The following RNF24 variants were observed in gnomAD, a reference collection of about 807,000 sequenced individuals.
The protein encoded by RNF24 is ring finger protein 24.
Under a neutral mutation model 20.0 loss-of-function variants are expected in RNF24, and 14 were observed. The ratio of observed to expected loss-of-function variants is 0.70; its 90% CI spans 0.46 to 1.10. The LOEUF is 1.10. Among genes scored for constraint, RNF24 ranks in the 50% least tolerant of loss-of-function variants. The pLI is 0.00. For synonymous variants in RNF24, 45 were observed against 61.1 expected, an observed-to-expected ratio of 0.74 and a Z score of 1.23; for missense variants, 124 against 177.6, an observed-to-expected ratio of 0.70 and a Z score of 1.71.
rs1402041953 is a variant in RNF24 at position 3,947,007 on chromosome 20, A to G, written c.186+1230T>C. Among the ~76,000 whole-genome samples, 5 of 152,302 alleles carry G rather than the reference A, an allele frequency of 3.3e-5. No individual in the cohort carries two copies. In the East Asian group the frequency reaches 9.6e-4, roughly 29 times the overall value. On this transcript the variant is annotated intron_variant, in intron 3 of 5. Transcript: ENST00000358395. ...AGAGATCAAGACCATCCTGGCCAAC[A>G]TGGTGAAATCCTGTCTCTACTAAAA...
At chr20:3,972,764 G>A (rs1485648789) in intron 1 of RNF24, among the ~76,000 whole-genome samples, 3 of 152,030 alleles carry the variant, frequency 2.0e-5, no homozygotes, top group East Asian at 1.9e-4. Flanking sequence ...TTAGTCGGGC[G>A]TGGTGGCACG....
chr20:3,950,650 T>C (rs912415641), intron 2 of RNF24, among the ~76,000 whole-genome samples: 45 of 152,248 alleles, frequency 3.0e-4, no homozygotes, highest in Non-Finnish European at 5.9e-4. Context: ...AACTTTTATT[T>C]TGAAATAATT....
At chr20:3,978,131 G>T (rs567056516) in intron 1 of RNF24, among the ~76,000 whole-genome samples, 25 of 150,550 alleles carry the variant, frequency 1.7e-4, no homozygotes, top group African/African-American at 6.1e-4. Flanking sequence ...GTGCAGTGGC[G>T]TGATCTCGGC....
intron 1 of RNF24, among the ~76,000 whole-genome samples, chr20:3,974,037 CAA>C (rs1978631296): frequency 6.7e-6 from 1 of 150,008 alleles, no homozygotes; most frequent in African/African-American, 2.5e-5. Context: ...AAGGTTTATT[CAA>C]GAGATGCGGG....
intron 2 of RNF24, among the ~76,000 whole-genome samples, chr20:3,957,628 C>T (rs2091157822): frequency 6.6e-6 from 1 of 152,002 alleles, no homozygotes; most frequent in South Asian, 2.1e-4. Flanking sequence ...CAGCATGGAT[C>T]AATTTGTGCT....
rs113896324 is a variant in RNF24 at position 3,961,088 on chromosome 20, C to T, written c.143+2787G>A. Among the ~76,000 whole-genome samples, 1,476 of 152,156 alleles carry T rather than the reference C, an allele frequency of 9.7e-3. 26 individuals carry two copies. Among genetic ancestry groups the T allele is most frequent in the African/African-American group, 0.034 (1,393 of 41,512 alleles). On this transcript the variant is annotated intron_variant, in intron 2 of 5. Coordinates refer to ENST00000358395, the MANE Select transcript of RNF24 (RefSeq NM_001134337.3). ...GATTACAGGTATGAGCCACTGCACCCGGCCTGTTAGGCTGATTATAAAAAA... is the reference window on the plus strand; with the variant it reads ...GATTACAGGTATGAGCCACTGCACCTGGCCTGTTAGGCTGATTATAAAAAA...
intron 1 of RNF24, among the ~76,000 whole-genome samples, chr20:3,983,118 C>A (rs1271586678): frequency 6.6e-6 from 1 of 152,172 alleles, no homozygotes; most frequent in Non-Finnish European, 1.5e-5. Context: ...TCTTGAACTT[C>A]TTGGCTTCTA....
chr20:3,997,229 C>CAAAAAAAAAAAAAAAAAAAAAA (rs1227396478), intron 1 of RNF24, among the ~76,000 whole-genome samples: 1 of 51,234 alleles, frequency 2.0e-5, no homozygotes, highest in Non-Finnish European at 3.7e-5. Flanking sequence ...GACTCCATCT[C>CAAAAAAAAAAAAAAAAAAAAAA]AAAAAAAAAA....
At position 3,933,920 on chromosome 20, in the gene RNF24, T is replaced by A. The variant is rs2090857725; in HGVS notation, c.*143A>T. ...AGACCCAGACACCTAGGTTCCCAGT[T>A]TGGCTGGCCCAAGAGTTCTTCATGA... On this transcript the variant is annotated 3_prime_UTR_variant, in exon 6 of 6. Transcript: ENST00000358395. 1.3e-6 allele frequency: 1 copy of A among 764,588 alleles called. No homozygotes were observed. Among genetic ancestry groups the A allele is most frequent in the Admixed American group, 3.3e-5 (1 of 30,044 alleles). 47.4% of individuals were successfully genotyped at this position (764,588 alleles called of 1,614,324 possible).
chr20:3,987,301 A>T (rs1231388661), intron 1 of RNF24, among the ~76,000 whole-genome samples: 1 of 152,232 alleles, frequency 6.6e-6, no homozygotes, highest in South Asian at 2.1e-4. Flanking sequence ...GTGTGAAAAG[A>T]AATACGAAGC....
chr20:3,942,082 A>C (rs1568617008), intron 4 of RNF24, among the ~76,000 whole-genome samples: 1 of 149,706 alleles, frequency 6.7e-6, no homozygotes, highest in East Asian at 1.9e-4. Context: ...TCAAAAAAGA[A>C]AAAAAAAAAA....
chr20:4,004,197 C>G (rs932989973), intron 1 of RNF24, among the ~76,000 whole-genome samples: 1 of 152,162 alleles, frequency 6.6e-6, no homozygotes, highest in African/African-American at 2.4e-5. Flanking sequence ...AAAATTCTGT[C>G]CATCCTTCAT....
At chr20:3,961,191 C>CA (rs996472224) in intron 2 of RNF24, among the ~76,000 whole-genome samples, 47 of 151,902 alleles carry the variant, frequency 3.1e-4, no homozygotes, top group African/African-American at 1.1e-3. Flanking sequence ...TGCTTGAGCC[C>CA]AAGAGTTGGA....
intron 3 of RNF24, 107 bp downstream of exon 3, chr20:3,948,130 G>T: frequency 6.6e-6 from 5 of 762,890 alleles, no homozygotes; most frequent in Non-Finnish European, 8.7e-6. Context: ...ATGCTAAAAT[G>T]AACACAAGTA....
intron 1 of RNF24, among the ~76,000 whole-genome samples, chr20:4,007,907 A>C (rs373272173): frequency 6.6e-6 from 1 of 151,470 alleles, no homozygotes; most frequent in Non-Finnish European, 1.5e-5. Flanking sequence ...ACAGAACAAG[A>C]CTCTCTCTCT....
chr20:3,949,274 G>A (rs999997803), intron 2 of RNF24, among the ~76,000 whole-genome samples: 3 of 152,240 alleles, frequency 2.0e-5, no homozygotes, highest in Non-Finnish European at 4.4e-5. Flanking sequence ...CAGCTACTTG[G>A]GAGGCTGAGG....
At chr20:3,964,390 TAACTC>T (rs1390695995) in intron 1 of RNF24, among the ~76,000 whole-genome samples, 2 of 152,198 alleles carry the variant, frequency 1.3e-5, no homozygotes, top group Non-Finnish European at 2.9e-5. Context: ...TTTAACCTAA[TAACTC>T]AACCCTTGAA....
intron 1 of RNF24, among the ~76,000 whole-genome samples, chr20:3,982,181 A>C (rs780443549): frequency 1.1e-4 from 17 of 151,488 alleles, no homozygotes; most frequent in Non-Finnish European, 2.1e-4. Context: ...TTGAAAGTAC[A>C]TTAAATTTAT....
In RNF24 at chr20:3,931,282, CACAGTA is replaced by C. The variant is rs1461502386; in HGVS notation, c.*2775_*2780del. On this transcript the variant is annotated 3_prime_UTR_variant, in exon 6 of 6. Coordinates refer to ENST00000358395, the MANE Select transcript of RNF24 (RefSeq NM_001134337.3). ...GCAGACCAGAATCCCCACGCAGCTA[CACAGTA>C]ACAAGTCCCAGCAACTCCTGAAGAT... 1 of 152,168 alleles carries C rather than the reference CACAGTA, an allele frequency of 6.6e-6. No homozygotes were observed. The highest frequency in any genetic ancestry group is 1.5e-5 in the Non-Finnish European group (1 of 68,046). 9.4% of individuals were successfully genotyped at this position (152,168 alleles called of 1,614,324 possible).
Sources: gnomAD v4.1 joint callset for allele counts (sites outside exome capture counted in the v4.1 genomes callset) on GRCh38, gnomAD v4.1.1 for gene constraint, MANE v1.5 for transcripts, NCBI Gene and HGNC (gene_info 2026-07-23, HGNC 2026-07-21) for gene names.